The following LAIR1 variants were observed in gnomAD, a reference collection of about 807,000 sequenced individuals.
LAIR1 encodes leukocyte-associated immunoglobulin-like receptor 1.
LAIR1 carries 24 observed loss-of-function variants against 32.8 expected under a neutral mutation model. The ratio of observed to expected loss-of-function variants is 0.73; its 90% CI spans 0.53 to 1.03. The LOEUF (loss-of-function observed/expected upper bound fraction) is 1.03, where lower values mean the gene tolerates loss of function less well. Ranked by LOEUF, LAIR1 falls within the 50% of genes least tolerant of loss-of-function variation. The pLI is 0.00. For missense variants in LAIR1, 355 were observed against 347.5 expected (o/e 1.02, Z -0.17); for synonymous variants, 150 against 140.5 (o/e 1.07, Z -0.48).
chr19:54,364,685 C>T lies in LAIR1; in HGVS notation c.34+86G>A. The T allele has an allele frequency of 8.5e-7, 1 of 1,176,522 alleles. No homozygotes were observed. The highest frequency in any genetic ancestry group is 1.3e-6 in the Non-Finnish European group (1 of 788,912). 72.9% of individuals were successfully genotyped at this position (1,176,522 alleles called of 1,614,324 possible). Reference sequence around the variant, plus strand: ...AGGAGGACACTTTCCTCCCCAGAATCTTCTGGACTAGAGTCAGGCTTGAGC... The same window carrying T: ...AGGAGGACACTTTCCTCCCCAGAATTTTCTGGACTAGAGTCAGGCTTGAGC... On this transcript the variant is annotated intron_variant, in intron 1 of 9. Coordinates refer to ENST00000391742, the MANE Select transcript of LAIR1 (RefSeq NM_002287.6). The surrounding 1 kb of genome is among the most constrained non-coding windows in gnomAD (Gnocchi z 4.8).
rs535474233 is a variant in LAIR1 at position 54,362,962 on chromosome 19, C to A, written c.70+1333G>T. ...GGCTGGGAAAATGGGCATGTCCAGACCAAAGAGAGGTGCACAGGTCTGATT... is the reference window on the plus strand; with the variant it reads ...GGCTGGGAAAATGGGCATGTCCAGAACAAAGAGAGGTGCACAGGTCTGATT... On this transcript the variant is annotated intron_variant, in intron 2 of 9. Transcript: ENST00000391742. Among the ~76,000 whole-genome samples the A allele has an allele frequency of 4.1e-3, 614 of 150,854 alleles. 4 individuals carry two copies. Among genetic ancestry groups the A allele is most frequent in the African/African-American group, 0.014 (582 of 40,960 alleles).
Position 54,356,520 on chromosome 19 carries a change from C to T in LAIR1, c.554G>A (p.Cys185Tyr). 2.5e-6 allele frequency: 4 copies of T among 1,613,952 alleles called. No homozygotes were observed. Among genetic ancestry groups the T allele is most frequent in the Non-Finnish European group, 3.4e-6 (4 of 1,179,992 alleles). Residue 185 changes from cysteine to tyrosine, a missense_variant, in exon 6 of 10, where the codon TGC (cysteine) becomes TAC (tyrosine). Coordinates refer to ENST00000391742, the MANE Select transcript of LAIR1 (RefSeq NM_002287.6). ...LFCLLLLVLF[C>Y]LHRQNQIKQG... ...CTTTATCTGATTCTGGCGATGGAGG[C>T]AGAAGAGGACCAGGAGGAGGAGACA...
chr19:54,375,457 G>A (rs1000381319), upstream of LAIR1, among the ~76,000 whole-genome samples: 7 of 152,208 alleles, frequency 4.6e-5, no homozygotes, highest in Non-Finnish European at 1.5e-5. Context: ...ATGAGGCTTA[G>A]TTCTTCCTTC....
intron 5 of LAIR1, 66 bp from the exon 6 acceptor site, chr19:54,356,685 C>A (rs1017939258): frequency 1.3e-6 from 2 of 1,495,036 alleles, no homozygotes; most frequent in Admixed American, 1.7e-5. Context: ...ATACCACACA[C>A]ACGTCACGTG....
intron 4 of LAIR1, among the ~76,000 whole-genome samples, chr19:54,359,431 C>T (rs2122443442): frequency 6.6e-6 from 1 of 152,080 alleles, no homozygotes; most frequent in South Asian, 2.1e-4. Context: ...AGCTACGTCC[C>T]CTCCCTGTGG....
intron 4 of LAIR1, chr19:54,358,437 TTTAAA>T (rs1038101264): frequency 1.0e-5 from 6 of 593,946 alleles, no homozygotes; most frequent in African/African-American, 2.1e-5. Context: ...TATAATATAA[TTTAAA>T]TTATAGGTCT....
chr19:54,361,994 C>T (rs984587328), intron 2 of LAIR1, among the ~76,000 whole-genome samples: 1 of 151,390 alleles, frequency 6.6e-6, no homozygotes. Context: ...GGGCAGAGAG[C>T]TGGCAGGGCT....
upstream of LAIR1, among the ~76,000 whole-genome samples, chr19:54,367,539 G>A (rs1366664791): frequency 6.6e-6 from 1 of 151,942 alleles, no homozygotes; most frequent in Non-Finnish European, 1.5e-5. Flanking sequence ...GAGGTCAGGA[G>A]ATCGAGACCA....
upstream of LAIR1, among the ~76,000 whole-genome samples, chr19:54,374,696 C>T (rs545786443): frequency 8.6e-5 from 13 of 152,004 alleles, no homozygotes; most frequent in Non-Finnish European, 7.4e-5. Flanking sequence ...CAGAAGGCTC[C>T]CAGCCCCAGA....
rs1269604751 is a variant in LAIR1, at chr19:54,364,068, T to TTATTTTTTGC, written c.70+226_70+227insGCAAAAAATA. 3.7e-4 allele frequency among the ~76,000 whole-genome samples: 56 copies of TTATTTTTTGC among 152,320 alleles called. No individual in the cohort carries two copies. Among genetic ancestry groups the TTATTTTTTGC allele is most frequent in the African/African-American group, 1.3e-3 (54 of 41,584 alleles). The stretch of plus-strand genomic sequence containing the variant: ...CCGCAAATTGCAATTATTTGTCAAT[T>TTATTTTTTGC]AAAAATAAAATTTTTGAAAATAAGA... On this transcript the variant is annotated intron_variant, in intron 2 of 9. Coordinates refer to ENST00000391742, the MANE Select transcript of LAIR1 (RefSeq NM_002287.6). This position sits in a 1 kb window ranked among gnomAD's most constrained non-coding sequence, Gnocchi z 4.8.
Position 54,355,699 on chromosome 19 carries a change from G to A in LAIR1, c.717+255C>T, listed in dbSNP as rs1434267984. Among the ~76,000 whole-genome samples, 1 of 152,210 alleles carries A rather than the reference G, an allele frequency of 6.6e-6. No individual in the cohort carries two copies. Among genetic ancestry groups the A allele is most frequent in the Admixed American group, 6.5e-5 (1 of 15,286 alleles). ...CCTCCCTCTGGGGGAAGCCGGCTGT[G>A]TGGAGAGGCCCCTGTGAGAGGAACA... On this transcript the variant is annotated intron_variant, in intron 9 of 9. Transcript: ENST00000391742. This position sits in a 1 kb window ranked among gnomAD's most constrained non-coding sequence, Gnocchi z 4.7.
intron 4 of LAIR1, among the ~76,000 whole-genome samples, chr19:54,359,503 C>G (rs2081902303): frequency 6.6e-6 from 1 of 151,764 alleles, no homozygotes; most frequent in Non-Finnish European, 1.5e-5. Flanking sequence ...GATCACAGAG[C>G]CAACAGGAGC....
intron 2 of LAIR1, among the ~76,000 whole-genome samples, chr19:54,361,737 G>C (rs2082034610): frequency 6.7e-6 from 1 of 150,208 alleles, no homozygotes; most frequent in South Asian, 2.1e-4. Flanking sequence ...CCCCAGCCCT[G>C]ATCTGCTCAC....
At chr19:54,365,170 C>T (rs1400462293), upstream of LAIR1, 3 of 678,932 alleles carry the variant, frequency 4.4e-6, no homozygotes, top group South Asian at 4.7e-5. Flanking sequence ...AGTTAACGGT[C>T]GCAGCTCTTG....
chr19:54,365,412 A>G (rs993136936), upstream of LAIR1, among the ~76,000 whole-genome samples: 7 of 152,162 alleles, frequency 4.6e-5, no homozygotes, highest in African/African-American at 1.7e-4. Context: ...TTGGGCAATC[A>G]CTATAGAGAA....
At chr19:54,374,068 T>C (rs2082463287), upstream of LAIR1, among the ~76,000 whole-genome samples, 1 of 152,014 alleles carries the variant, frequency 6.6e-6, no homozygotes, top group African/African-American at 2.4e-5. Context: ...TTCCAATGCT[T>C]GCACTGTAAG....
At chr19:54,366,416 C>T (rs1028583497), upstream of LAIR1, among the ~76,000 whole-genome samples, 5 of 152,196 alleles carry the variant, frequency 3.3e-5, no homozygotes, top group African/African-American at 4.8e-5. Context: ...ACCTTTGTTA[C>T]GCCTTAGCAA....
At chr19:54,373,407 G>A (rs2082453421), upstream of LAIR1, among the ~76,000 whole-genome samples, 1 of 152,246 alleles carries the variant, frequency 6.6e-6, no homozygotes, top group Admixed American at 6.5e-5. Flanking sequence ...TCGCGCCACT[G>A]CACTCCAGCC....
chr19:54,356,027 T>C (rs952292180), intron 8 of LAIR1, 21 bp from the exon 9 acceptor site: 127 of 1,596,816 alleles, frequency 8.0e-5, no homozygotes, highest in Non-Finnish European at 1.0e-4. Flanking sequence ...AAATACATGG[T>C]CAGTTTTCTG....
Sources: allele counts gnomAD v4.1 joint callset (sites outside exome capture counted in the v4.1 genomes callset), GRCh38; gene constraint gnomAD v4.1.1; non-coding constraint Gnocchi (gnomAD v3.1); transcripts MANE v1.5; gene names NCBI Gene and HGNC (gene_info 2026-07-23, HGNC 2026-07-21).